The following SLC25A21 variants were observed in gnomAD, a reference collection of about 807,000 sequenced individuals.
SLC25A21 encodes the protein solute carrier family 25 member 21.
Under a neutral mutation model 43.8 loss-of-function variants are expected in SLC25A21, and 47 were observed. The ratio of observed to expected loss-of-function variants is 1.07; its 90% CI spans 0.85 to 1.37. SLC25A21 has a LOEUF of 1.37. Ranked by LOEUF, SLC25A21 falls within the 40% of genes most tolerant of loss-of-function variation. The pLI, the probability that SLC25A21 is intolerant of heterozygous loss-of-function variation, is 0.00. For synonymous variants in SLC25A21, 131 were observed against 121.3 expected, an observed-to-expected ratio of 1.08 and a Z score of -0.52; for missense variants, 352 against 350.2, an observed-to-expected ratio of 1.00 and a Z score of -0.04.
At chr14:37,033,803 T>C (rs1442206427) in intron 1 of SLC25A21, among the ~76,000 whole-genome samples, 1 of 152,156 alleles carries the variant, frequency 6.6e-6, no homozygotes, top group African/African-American at 2.4e-5. Flanking sequence ...TGCCAAATTA[T>C]TCAGATTTTT....
intron 1 of SLC25A21, among the ~76,000 whole-genome samples, chr14:37,166,737 G>C (rs1367243492): frequency 6.6e-6 from 1 of 152,190 alleles, no homozygotes; most frequent in Non-Finnish European, 1.5e-5. Flanking sequence ...TTCAATCTGG[G>C]CCTTGGAAAA....
intron 1 of SLC25A21, among the ~76,000 whole-genome samples, chr14:37,093,902 G>A (rs777373507): frequency 3.9e-5 from 6 of 152,032 alleles, no homozygotes; most frequent in Non-Finnish European, 7.4e-5. Context: ...TAACTCTAAG[G>A]TCATCTGGCA....
chr14:37,006,065 A>T (rs1021875419), intron 1 of SLC25A21, among the ~76,000 whole-genome samples: 1 of 152,344 alleles, frequency 6.6e-6, no homozygotes, highest in African/African-American at 2.4e-5. Context: ...ACAAGTTTAG[A>T]TGTGACAAGG....
intron 9 of SLC25A21, 106 bp downstream of exon 9, chr14:36,683,722 C>A: frequency 1.3e-6 from 1 of 747,766 alleles, no homozygotes; most frequent in African/African-American, 1.8e-5. Flanking sequence ...AGGTTTCTGT[C>A]TTTTACAAAG....
In SLC25A21 at chr14:36,776,236, TTC is replaced by T. The variant is rs1491286204; in HGVS notation, c.203+37680_203+37681del. Among the ~76,000 whole-genome samples, 66 of 58,846 alleles carry T rather than the reference TTC, an allele frequency of 1.1e-3. 11 individuals are homozygous for T. In the South Asian group the frequency reaches 0.024, roughly 22 times the overall value. 38.6% of individuals were successfully genotyped at this position (58,846 alleles called of 152,430 possible). ...TTCTTTTTTCTTTTTCTTTCTTTCT[TTC>T]TTTTTTTTTTTTTTTTGAGATGGAG... On this transcript the variant is annotated intron_variant, in intron 3 of 9. Transcript: ENST00000331299.
At chr14:36,876,840 T>C (rs1890542058) in intron 1 of SLC25A21, among the ~76,000 whole-genome samples, 1 of 150,942 alleles carries the variant, frequency 6.6e-6, no homozygotes, top group African/African-American at 2.4e-5. Context: ...TATGTATATA[T>C]ATGAAATATA....
At chr14:37,099,555 C>T (rs1444143655) in intron 1 of SLC25A21, among the ~76,000 whole-genome samples, 13 of 152,016 alleles carry the variant, frequency 8.6e-5, no homozygotes, top group African/African-American at 3.1e-4. Flanking sequence ...CTTATTATTC[C>T]TCACCCATTT....
At chr14:36,839,487 G>A (rs927402097) in intron 2 of SLC25A21, among the ~76,000 whole-genome samples, 3 of 152,120 alleles carry the variant, frequency 2.0e-5, no homozygotes, top group Admixed American at 6.5e-5. Flanking sequence ...TTAGTAAAAC[G>A]CCACACTATA....
intron 1 of SLC25A21, among the ~76,000 whole-genome samples, chr14:36,951,800 C>T (rs78857758): frequency 0.043 from 6,575 of 152,170 alleles, 284 homozygotes; most frequent in Middle Eastern, 0.14. Context: ...ACTGCTAAGA[C>T]CCTGCATTCT....
intron 1 of SLC25A21, among the ~76,000 whole-genome samples, chr14:36,913,130 T>C (rs895092672): frequency 1.3e-5 from 2 of 152,142 alleles, no homozygotes; most frequent in Non-Finnish European, 2.9e-5. Flanking sequence ...GTTTAACTTA[T>C]ACAGTATGGG....
intron 1 of SLC25A21, among the ~76,000 whole-genome samples, chr14:37,048,625 A>T (rs1961639574): frequency 6.6e-6 from 1 of 152,170 alleles, no homozygotes. Flanking sequence ...GGAGGAGCCT[A>T]TATTATAAAT....
chr14:36,940,050 G>A (rs185989258), intron 1 of SLC25A21, among the ~76,000 whole-genome samples: 93 of 152,240 alleles, frequency 6.1e-4, no homozygotes, highest in Non-Finnish European at 1.1e-3. Context: ...CCTTTCTCAT[G>A]TAAGTATTAT....
intron 1 of SLC25A21, among the ~76,000 whole-genome samples, chr14:37,137,689 G>A (rs1020272798): frequency 6.6e-6 from 1 of 152,172 alleles, no homozygotes; most frequent in Non-Finnish European, 1.5e-5. Context: ...ATGTGTATAA[G>A]CCATCAATAC....
chr14:36,867,790 C>CGTGTGT lies in SLC25A21; in HGVS notation c.119+7160_119+7165dup, dbSNP rs10606711. On this transcript the variant is annotated intron_variant, in intron 2 of 9. Coordinates refer to ENST00000331299, the MANE Select transcript of SLC25A21 (RefSeq NM_030631.4). ...AAACCAGGATTAAACACCATGCTTT[C>CGTGTGT]GTGTGTGTGTGTGTGTGTGTGTGTG... Among the ~76,000 whole-genome samples the CGTGTGT allele has an allele frequency of 1.8e-3, 256 of 146,228 alleles. 1 individual carries two copies. The highest frequency in any genetic ancestry group is 5.8e-3 in the African/African-American group (231 of 39,746).
At chr14:37,010,009 G>A (rs1388652444) in intron 1 of SLC25A21, among the ~76,000 whole-genome samples, 1 of 152,198 alleles carries the variant, frequency 6.6e-6, no homozygotes, top group Non-Finnish European at 1.5e-5. Context: ...AGAACGTTTA[G>A]AGTCAGAATA....
intron 4 of SLC25A21, among the ~76,000 whole-genome samples, chr14:36,734,132 C>T (rs1884938786): frequency 1.3e-5 from 2 of 152,050 alleles, no homozygotes; most frequent in African/African-American, 2.4e-5. Flanking sequence ...AAAGTTTTCC[C>T]TCCTCTCCTC....
At chr14:36,773,027 C>T (rs1423167925) in intron 3 of SLC25A21, among the ~76,000 whole-genome samples, 1 of 152,142 alleles carries the variant, frequency 6.6e-6, no homozygotes, top group Non-Finnish European at 1.5e-5. Flanking sequence ...GAACACCGTT[C>T]AGAAGAAAAA....
Position 36,773,186 on chromosome 14 carries a change from GAA to G in SLC25A21, c.204-38615_204-38614del, listed in dbSNP as rs35175418. 8.8e-5 allele frequency among the ~76,000 whole-genome samples: 13 copies of G among 147,936 alleles called. No homozygotes were observed. In the South Asian group the frequency reaches 1.5e-3, roughly 17 times the overall value. On this transcript the variant is annotated intron_variant, in intron 3 of 9. Transcript: ENST00000331299. ...ATGCACGATGACAGATTTCGAGAAG[GAA>G]AAAAAAAAAATCAGCTACCAGCCAC... is the stretch of plus-strand genomic sequence containing the variant.
intron 1 of SLC25A21, among the ~76,000 whole-genome samples, chr14:37,067,944 A>G (rs1962094101): frequency 6.6e-6 from 1 of 152,274 alleles, no homozygotes; most frequent in Non-Finnish European, 1.5e-5. Flanking sequence ...CAAAATTAGG[A>G]GTCAGCAAAC....
Sources: gnomAD v4.1 joint callset for allele counts (sites outside exome capture counted in the v4.1 genomes callset) on GRCh38, gnomAD v4.1.1 for gene constraint, MANE v1.5 for transcripts, NCBI Gene and HGNC (gene_info 2026-07-23, HGNC 2026-07-21) for gene names.